Variants in MPP2 observed in about 807,000 individuals in gnomAD.
The protein encoded by MPP2 is MAGUK p55 subfamily member 2.
A neutral mutation model predicts 58.5 loss-of-function variants in MPP2; 42 were observed. The observed-to-expected ratio is 0.72, with a 90% CI of 0.56 to 0.93. MPP2 has a LOEUF of 0.93. Among genes scored for constraint, MPP2 ranks in the 40% least tolerant of loss-of-function variants. The pLI is 0.00. For missense variants in MPP2, 632 were observed against 760.4 expected, an observed-to-expected ratio of 0.83 and a Z score of 1.99; for synonymous variants, 300 against 307.8, an observed-to-expected ratio of 0.97 and a Z score of 0.26.
chr17:43,879,168 G>GC lies in MPP2; in HGVS notation c.1482+106dup. On this transcript the variant is annotated intron_variant, in intron 12 of 12. Transcript: ENST00000269095. This position sits in a 1 kb window ranked among gnomAD's most constrained non-coding sequence, Gnocchi z 4.1. ...CCTGCCTCACTGATAACTGGAGCAGGCCCCTGTCCCTCCCCAACACCACCT... is the reference window on the plus strand; with the variant it reads ...CCTGCCTCACTGATAACTGGAGCAGGCCCCCTGTCCCTCCCCAACACCACCT... The GC allele has an allele frequency of 7.3e-7, 1 of 1,364,616 alleles. No individual in the cohort carries two copies. The allele number at this position is 1,364,616 out of a possible 1,614,324, so 84.5% of individuals were successfully genotyped here.
intron 3 of MPP2, among the ~76,000 whole-genome samples, chr17:43,887,543 T>C (rs768065374): frequency 6.6e-6 from 1 of 152,100 alleles, no homozygotes. Flanking sequence ...TATTTTCACA[T>C]AGAGATCTCT....
rs564111109 is a variant in MPP2, at chr17:43,880,155, T to C, written c.1151-171A>G. ...ACACACCTGCCCCCCACTCTCCCCA[T>C]TGGCACACACAGAGACATGAGCTGG... On this transcript the variant is annotated intron_variant, in intron 10 of 12. Transcript: ENST00000269095. The surrounding 1 kb of genome is among the most constrained non-coding windows in gnomAD (Gnocchi z 5.2). Among the ~76,000 whole-genome samples, 77 of 152,160 alleles carry C rather than the reference T, an allele frequency of 5.1e-4. No homozygotes were observed. Among genetic ancestry groups the C allele is most frequent in the African/African-American group, 1.4e-3 (57 of 41,530 alleles).
intron 3 of MPP2, 106 bp from the exon 4 acceptor site, chr17:43,883,461 C>G: frequency 7.9e-7 from 1 of 1,268,642 alleles, no homozygotes; most frequent in South Asian, 1.5e-5. Context: ...ATCCCACCCC[C>G]CAGCCCCCAG....
Position 43,880,901 on chromosome 17 carries a change from G to T in MPP2, c.989-49C>A. 6.4e-7 allele frequency: 1 copy of T among 1,567,938 alleles called. No homozygotes were observed. The highest frequency in any genetic ancestry group is 8.7e-7 in the Non-Finnish European group (1 of 1,155,030). ...CTCACCAGGCTGCACGGTGAGGGAG[G>T]GGCGGAGCTCTCAGGGAGGCTGAGG... is the stretch of plus-strand genomic sequence containing the variant. On this transcript the variant is annotated intron_variant, in intron 9 of 12. Coordinates refer to ENST00000269095, the MANE Select transcript of MPP2 (RefSeq NM_005374.5). This position sits in a 1 kb window ranked among gnomAD's most constrained non-coding sequence, Gnocchi z 5.2.
In MPP2 at chr17:43,879,171, C is replaced by T; in HGVS notation, c.1482+104G>A. The T allele has an allele frequency of 7.8e-6, 11 of 1,406,126 alleles. No homozygotes were observed. Among genetic ancestry groups the T allele is most frequent in the Non-Finnish European group, 1.1e-5 (11 of 1,024,826 alleles). 87.1% of individuals were successfully genotyped at this position (1,406,126 alleles called of 1,614,324 possible). On this transcript the variant is annotated intron_variant, in intron 12 of 12. Coordinates refer to ENST00000269095, the MANE Select transcript of MPP2 (RefSeq NM_005374.5). This position sits in a 1 kb window ranked among gnomAD's most constrained non-coding sequence, Gnocchi z 4.1. ...GCCTCACTGATAACTGGAGCAGGCCCCTGTCCCTCCCCAACACCACCTCCT... is the reference window on the plus strand; with the variant it reads ...GCCTCACTGATAACTGGAGCAGGCCTCTGTCCCTCCCCAACACCACCTCCT...
In MPP2 at chr17:43,877,611, T is replaced by C. The variant is rs1282407464; in HGVS notation, c.*196A>G. On this transcript the variant is annotated 3_prime_UTR_variant, in exon 13 of 13. Transcript: ENST00000269095. ...GAGTGGGCAGCACCTGGGCACAAGGTACCCCATGAATGCCCACCTCCCTGG... is the reference window on the plus strand; with the variant it reads ...GAGTGGGCAGCACCTGGGCACAAGGCACCCCATGAATGCCCACCTCCCTGG... The C allele has an allele frequency of 1.6e-6, 1 of 611,286 alleles. No homozygotes were observed. Among genetic ancestry groups the C allele is most frequent in the East Asian group, 2.7e-5 (1 of 37,142 alleles). 37.9% of individuals were successfully genotyped at this position (611,286 alleles called of 1,614,324 possible).
In MPP2 at chr17:43,877,950, T is replaced by C. The variant is rs1011948863; in HGVS notation, c.1516A>G (p.Ser506Gly). ...ADLRRTVEES[S>G]RIQRGYGHYF... The stretch of plus-strand genomic sequence containing the variant: ...TGCCCGTAGCCCCGCTGGATGCGGC[T>C]GCTCTCCTCCACTGTCCGTCTCAGG... The change falls in exon 13 of 13, where the codon AGC becomes GGC. Residue 506 changes from serine to glycine, a missense_variant. By Grantham distance (56) the Ser-to-Gly change is moderately conservative. Transcript: ENST00000269095. The C allele has an allele frequency of 1.2e-6, 2 of 1,613,764 alleles. No homozygotes were observed. The highest frequency in any genetic ancestry group is 2.2e-5 in the East Asian group (1 of 44,890).
At chr17:43,907,202 C>A in intron 1 of MPP2, 1 of 985,590 alleles carries the variant, frequency 1.0e-6, no homozygotes, top group Non-Finnish European at 1.2e-6. Context: ...GGGCCCCTCA[C>A]AGCTCACCAC....
At chr17:43,882,258 G>C (rs766239656) in intron 6 of MPP2, 26 bp downstream of exon 6, 8 of 1,591,420 alleles carry the variant, frequency 5.0e-6, no homozygotes, top group Non-Finnish European at 6.9e-6. Context: ...CCATCCCTTG[G>C]GCCTTGTGCT....
chr17:43,878,315 T>C (rs2046938151), intron 12 of MPP2, among the ~76,000 whole-genome samples: 1 of 152,214 alleles, frequency 6.6e-6, no homozygotes, highest in Non-Finnish European at 1.5e-5. Context: ...AAAGGTCACA[T>C]AGCCAGTCAG....
At position 43,879,592 on chromosome 17, in the gene MPP2, G is replaced by A. The variant is rs754436124; in HGVS notation, c.1354-189C>T. On this transcript the variant is annotated intron_variant, in intron 11 of 12. Coordinates refer to ENST00000269095, the MANE Select transcript of MPP2 (RefSeq NM_005374.5). The surrounding 1 kb of genome is among the most constrained non-coding windows in gnomAD (Gnocchi z 4.1). The stretch of plus-strand genomic sequence containing the variant: ...TGGCAGGTGGCTGGGGTGACTGGAG[G>A]AGACTAGAGGAGGAGTGGGGACTCT... 6.6e-6 allele frequency among the ~76,000 whole-genome samples: 1 copy of A among 152,156 alleles called. No individual in the cohort carries two copies. The highest frequency in any genetic ancestry group is 1.5e-5 in the Non-Finnish European group (1 of 68,026).
chr17:43,882,619 C>T (rs2047187791), intron 5 of MPP2, 108 bp from the exon 6 acceptor site: 4 of 1,063,388 alleles, frequency 3.8e-6, no homozygotes, highest in Admixed American at 2.2e-5. Context: ...CCCACCCCCA[C>T]CCTCACAAAG....
intron 2 of MPP2, chr17:43,901,205 T>C: frequency 1.0e-6 from 1 of 963,860 alleles, no homozygotes; most frequent in South Asian, 4.8e-5. Context: ...CTACCCACCC[T>C]TGGTCAGCCA....
At position 43,879,217 on chromosome 17, in the gene MPP2, T is replaced by C. The variant is rs1221550504; in HGVS notation, c.1482+58A>G. The C allele has an allele frequency of 2.6e-6, 4 of 1,567,600 alleles. No homozygotes were observed. Among genetic ancestry groups the C allele is most frequent in the Admixed American group, 1.8e-5 (1 of 56,792 alleles). On this transcript the variant is annotated intron_variant, in intron 12 of 12. Coordinates refer to ENST00000269095, the MANE Select transcript of MPP2 (RefSeq NM_005374.5). This position sits in a 1 kb window ranked among gnomAD's most constrained non-coding sequence, Gnocchi z 4.1. ...CTCCTTCTCTCTGTCAGCTCAGGCC[T>C]GTCCCCCACCACCCTAGGCAGCTAT...
In MPP2 at chr17:43,881,547, T is replaced by G; in HGVS notation, c.724A>C (p.Ser242Arg). ...CHFDYDPARDSLIPCKEAGLR... is the reference protein window; with the variant it reads ...CHFDYDPARDRLIPCKEAGLR... ...CCTGCTTCCTTGCAGGGGATGAGGC[T>G]GTCTCGGGCCGGGTCATAGTCAAAG... The change falls in exon 7 of 13, where the codon AGC becomes CGC. Residue 242 changes from serine to arginine, a missense_variant. By Grantham distance (110) the Ser-to-Arg change is moderately radical. Transcript: ENST00000269095. The G allele has an allele frequency of 6.2e-7, 1 of 1,613,936 alleles. No individual in the cohort carries two copies. The highest frequency in any genetic ancestry group is 8.5e-7 in the Non-Finnish European group (1 of 1,179,944).
At chr17:43,907,599 C>G (rs961425067), upstream of MPP2, 3 of 985,394 alleles carry the variant, frequency 3.0e-6, no homozygotes, top group East Asian at 1.1e-4. Context: ...GGCGGAGGTC[C>G]GGAGGAGAGG....
chr17:43,881,421 C>A, intron 7 of MPP2, 37 bp downstream of exon 7: 1 of 1,613,990 alleles, frequency 6.2e-7, no homozygotes, highest in Non-Finnish European at 8.5e-7. Context: ...CTCCCATGCA[C>A]CATACCTGGA....
chr17:43,900,127 T>C (rs2143759670), intron 2 of MPP2, among the ~76,000 whole-genome samples: 1 of 152,270 alleles, frequency 6.6e-6, no homozygotes, highest in Middle Eastern at 3.4e-3. Context: ...TTCCTCCTCC[T>C]GCTCCCTGCC....
At chr17:43,903,177 G>T (rs969958991) in intron 2 of MPP2, among the ~76,000 whole-genome samples, 2 of 151,882 alleles carry the variant, frequency 1.3e-5, no homozygotes, top group African/African-American at 4.8e-5. Flanking sequence ...TTGGGAGGCT[G>T]AGGCAGGAGA....
Sources: gnomAD v4.1 joint callset for allele counts (sites outside exome capture counted in the v4.1 genomes callset) on GRCh38, gnomAD v4.1.1 for gene constraint, Gnocchi (gnomAD v3.1) non-coding constraint, MANE v1.5 for transcripts, NCBI Gene and HGNC (gene_info 2026-07-23, HGNC 2026-07-21) for gene names.